FBN1: variants seen among roughly 807,000 people sequenced by gnomAD.
FBN1 encodes the protein fibrillin 1, also known as fibrillin-1.
FBN1 carries 29 observed loss-of-function variants against 365.1 expected under a neutral mutation model. The observed-to-expected ratio is 0.08, with a 90% confidence interval of 0.06 to 0.11. The LOEUF (loss-of-function observed/expected upper bound fraction) is 0.11. FBN1 is among the 10% of genes least tolerant of loss of function. The pLI is 1.00. For synonymous variants in FBN1, 1,210 were observed against 1,270.5 expected (o/e 0.95, Z 1.01); for missense variants, 2,476 against 3,703.2 (o/e 0.67, Z 8.60).
chr15:48,474,335 T>A lies in FBN1; in HGVS notation c.4130A>T (p.His1377Leu), dbSNP rs1238143005. 1 of 1,614,064 alleles carries A rather than the reference T, an allele frequency of 6.2e-7. No individual in the cohort carries two copies. The highest frequency in any genetic ancestry group is 8.5e-7 in the Non-Finnish European group (1 of 1,180,020). Residue 1377 changes from histidine to leucine, a missense_variant, in exon 34 of 66, where the codon CAT becomes CTT. His to Leu is a moderately conservative substitution (Grantham distance 99). Transcript: ENST00000316623. Reference sequence around the variant, plus strand: ...TCCCATGGTATTCTTGCAGTCTGCATGCTGGCTGCACATATGGGTTCCATT... The same window carrying A: ...TCCCATGGTATTCTTGCAGTCTGCAAGCTGGCTGCACATATGGGTTCCATT... ...CSNGTHMCSQ[H>L]ADCKNTMGSY...
chr15:48,437,407 T>A lies in FBN1; in HGVS notation c.6314-20A>T. The A allele has an allele frequency of 6.3e-7, 1 of 1,592,592 alleles. No individual in the cohort carries two copies. Among genetic ancestry groups the A allele is most frequent in the Middle Eastern group, 1.7e-4 (1 of 6,030 alleles). ...AGGCCTCTGTGGTGGAGACACTCAT[T>A]AATAGATAGAACAATAGCAATTCAT... On this transcript the variant is annotated intron_variant, in intron 51 of 65. Transcript: ENST00000316623.
chr15:48,568,029 GA>G (rs1156336255), intron 6 of FBN1, among the ~76,000 whole-genome samples: 59 of 89,682 alleles, frequency 6.6e-4, no homozygotes, highest in African/African-American at 3.4e-3. Flanking sequence ...AAGAAAGAAA[GA>G]AAGAAAGAAA....
rs776686839 is a variant in FBN1, at chr15:48,415,692, A to C, written c.7895T>G (p.Met2632Arg). 1.2e-6 allele frequency: 2 copies of C among 1,614,228 alleles called. No individual in the cohort carries two copies. Among genetic ancestry groups the C allele is most frequent in the Non-Finnish European group, 1.7e-6 (2 of 1,180,026 alleles). The part of the protein sequence containing the change: ...CHNTLGSYKC[M>R]CPAGFQYEQF... ...TTCATACTGGAAGCCGGCGGGACAC[A>C]TGCACTTGTAGCTCCCCAGGGTGTT... Residue 2632 changes from methionine (M) to arginine (R), a missense_variant, in exon 64 of 66, where the codon ATG becomes AGG. Met to Arg is a moderately conservative substitution (Grantham distance 91, BLOSUM62 -1). Around this residue, in one of 5 missense-constraint regions of FBN1, gnomAD observed 1,780 missense variants for 2,840.8 expected, o/e 0.63. Coordinates refer to ENST00000316623, the MANE Select transcript of FBN1 (RefSeq NM_000138.5).
At chr15:48,487,520 G>C (rs1396440447) in intron 27 of FBN1, 83 bp from the exon 28 acceptor site, 6 of 1,584,098 alleles carry the variant, frequency 3.8e-6, no homozygotes, top group Non-Finnish European at 5.2e-6. Flanking sequence ...CCCATTGCTG[G>C]GTGTCCATCT....
At chr15:48,412,447 A>C in intron 65 of FBN1, 122 bp downstream of exon 65, 2 of 968,088 alleles carry the variant, frequency 2.1e-6, no homozygotes, top group Non-Finnish European at 3.4e-6. Flanking sequence ...AGCTCAGGGA[A>C]TGTCTGGAGT....
chr15:48,616,560 T>G (rs748767741), intron 2 of FBN1, among the ~76,000 whole-genome samples: 1 of 152,260 alleles, frequency 6.6e-6, no homozygotes, highest in Non-Finnish European at 1.5e-5. Flanking sequence ...TGAGACATGC[T>G]GGATTATTTC....
At chr15:48,499,840 G>A (rs1007131003) in intron 17 of FBN1, among the ~76,000 whole-genome samples, 2 of 152,168 alleles carry the variant, frequency 1.3e-5, no homozygotes, top group Non-Finnish European at 2.9e-5. Flanking sequence ...AATGGTTTCT[G>A]GCAAACACAG....
chr15:48,596,502 G>A (rs914981850), intron 5 of FBN1, 124 bp from the exon 6 acceptor site: 16 of 872,618 alleles, frequency 1.8e-5, no homozygotes, highest in African/African-American at 1.2e-4. Context: ...TGTTTTGGAC[G>A]GTCACTCTAC....
intron 3 of FBN1, 115 bp downstream of exon 3, chr15:48,612,895 C>A: frequency 1.2e-6 from 1 of 818,238 alleles, no homozygotes; most frequent in Non-Finnish European, 2.2e-6. Flanking sequence ...AGCTGGAAGG[C>A]TGTACTATCA....
intron 2 of FBN1, chr15:48,641,662 T>C (rs1890200750): frequency 6.6e-6 from 1 of 152,148 alleles, no homozygotes; most frequent in Non-Finnish European, 1.5e-5. Flanking sequence ...AAACTGTGCA[T>C]CTCCAATCAG....
chr15:48,526,060 T>C, intron 9 of FBN1, 70 bp downstream of exon 9: 1 of 1,592,174 alleles, frequency 6.3e-7, no homozygotes, highest in Non-Finnish European at 8.6e-7. Context: ...CTTAACAAGC[T>C]TGTTTAGAAA....
intron 6 of FBN1, among the ~76,000 whole-genome samples, chr15:48,547,159 CT>C (rs2044100183): frequency 6.6e-6 from 1 of 152,062 alleles, no homozygotes; most frequent in Admixed American, 6.5e-5. Flanking sequence ...TTATAAATTT[CT>C]TTTCCTTCCC....
chr15:48,521,912 G>T (rs1468847495), intron 9 of FBN1, among the ~76,000 whole-genome samples: 2 of 152,240 alleles, frequency 1.3e-5, no homozygotes, highest in Non-Finnish European at 2.9e-5. Context: ...TGGCGTGTTA[G>T]GAACTGGGCT....
Position 48,644,587 on chromosome 15 carries a change from A to G in FBN1, c.164+19T>C. 1 of 1,613,932 alleles carries G rather than the reference A, an allele frequency of 6.2e-7. No individual in the cohort carries two copies. The highest frequency in any genetic ancestry group is 8.5e-7 in the Non-Finnish European group (1 of 1,179,980). ...AAACTTGGGAGACCCACACCAAAGG[A>G]GGGAACCGGTTCCTTTACCCTTTAA... On this transcript the variant is annotated intron_variant, in intron 2 of 65. Transcript: ENST00000316623.
chr15:48,453,297 A>AC (rs1180129790), intron 44 of FBN1, among the ~76,000 whole-genome samples: 1 of 145,144 alleles, frequency 6.9e-6, no homozygotes, highest in South Asian at 2.3e-4. Flanking sequence ...AAACAAACAA[A>AC]AAAAAAACAC....
intron 2 of FBN1, among the ~76,000 whole-genome samples, chr15:48,640,791 TC>T (rs1202815327): frequency 3.3e-5 from 5 of 152,252 alleles, no homozygotes; most frequent in Middle Eastern, 3.4e-3. Flanking sequence ...GAAGAACTTT[TC>T]CCCCTTTGAC....
intron 6 of FBN1, among the ~76,000 whole-genome samples, chr15:48,560,253 T>C (rs940310755): frequency 6.6e-6 from 1 of 152,146 alleles, no homozygotes; most frequent in African/African-American, 2.4e-5. Context: ...CTGTAGGAGA[T>C]AGCAATAAAA....
chr15:48,493,787 G>T (rs1216175294), intron 23 of FBN1, among the ~76,000 whole-genome samples: 1 of 152,178 alleles, frequency 6.6e-6, no homozygotes, highest in Admixed American at 6.5e-5. Context: ...GAAACTCCAT[G>T]CAGACTTTCA....
At chr15:48,496,360 T>G in intron 19 of FBN1, 135 bp from the exon 20 acceptor site, 1 of 1,062,098 alleles carries the variant, frequency 9.4e-7, no homozygotes, top group Admixed American at 2.1e-5. Context: ...CCTGTAGCAT[T>G]AGCTTTTACC....
Sources: gnomAD v4.1 joint callset for allele counts (sites outside exome capture counted in the v4.1 genomes callset) on GRCh38, gnomAD v4.1.1 for gene constraint, gnomAD v4.1.1 regional missense constraint, MANE v1.5 for transcripts, NCBI Gene and HGNC (gene_info 2026-07-23, HGNC 2026-07-21) for gene names.